MTUS2: variants seen among roughly 807,000 people sequenced by gnomAD.
MTUS2 encodes the protein microtubule associated scaffold protein 2.
Under a neutral mutation model 114.1 loss-of-function variants are expected in MTUS2, and 40 were observed. That is an observed-to-expected ratio of 0.35 (90% confidence interval 0.27 to 0.46). MTUS2 has a LOEUF of 0.46. MTUS2 is among the 20% of genes least tolerant of loss of function. The pLI is 1.00. For synonymous variants in MTUS2, 688 were observed against 672.0 expected (o/e 1.02, Z -0.37); for missense variants, 1,679 against 1,705.4 (o/e 0.98, Z 0.27).
intron 5 of MTUS2, among the ~76,000 whole-genome samples, chr13:29,248,547 A>G (rs1006092649): frequency 6.6e-6 from 1 of 152,152 alleles, no homozygotes; most frequent in African/African-American, 2.4e-5. Flanking sequence ...TATGTGTGCC[A>G]TGGTGGTTTG....
At chr13:29,059,796 C>A (rs753643390) in intron 4 of MTUS2, among the ~76,000 whole-genome samples, 1 of 152,350 alleles carries the variant, frequency 6.6e-6, no homozygotes, top group Non-Finnish European at 1.5e-5. Context: ...TAAGTTCAGA[C>A]AGAAGTGGGA....
At chr13:28,867,576 A>G (rs1188650100) in intron 2 of MTUS2, among the ~76,000 whole-genome samples, 1 of 152,214 alleles carries the variant, frequency 6.6e-6, no homozygotes, top group Non-Finnish European at 1.5e-5. Flanking sequence ...AAAGCTTTTC[A>G]TATTAGAAGA....
At chr13:29,170,045 T>C (rs372426754) in intron 5 of MTUS2, among the ~76,000 whole-genome samples, 77 of 152,290 alleles carry the variant, frequency 5.1e-4, no homozygotes, top group African/African-American at 1.8e-3. Context: ...TAGTGGTTGA[T>C]GAGAGCATGG....
chr13:28,845,813 C>T (rs897988654), intron 2 of MTUS2, among the ~76,000 whole-genome samples: 14 of 151,844 alleles, frequency 9.2e-5, no homozygotes, highest in African/African-American at 3.4e-4. Flanking sequence ...TGTGACTTTA[C>T]TTATGTTACA....
At chr13:28,860,458 C>T (rs1164382589) in intron 2 of MTUS2, among the ~76,000 whole-genome samples, 1 of 152,224 alleles carries the variant, frequency 6.6e-6, no homozygotes, top group Non-Finnish European at 1.5e-5. Context: ...CTTTTTCAGA[C>T]TCCTCATGTG....
intron 5 of MTUS2, among the ~76,000 whole-genome samples, chr13:29,200,468 C>G (rs1261382857): frequency 6.8e-6 from 1 of 147,864 alleles, no homozygotes; most frequent in Non-Finnish European, 1.5e-5. Flanking sequence ...CATTCAGGAG[C>G]AGGTTGTTCA....
intron 2 of MTUS2, among the ~76,000 whole-genome samples, chr13:28,929,808 G>C (rs1566230830): frequency 6.6e-6 from 1 of 151,934 alleles, no homozygotes; most frequent in Non-Finnish European, 1.5e-5. Flanking sequence ...CACAGCCCCT[G>C]CTCTCAGCAA....
At chr13:28,966,087 A>G (rs1170050505) in intron 2 of MTUS2, among the ~76,000 whole-genome samples, 1 of 152,202 alleles carries the variant, frequency 6.6e-6, no homozygotes, top group Admixed American at 6.5e-5. Context: ...TATTTTCCCT[A>G]CCATTGTTAA....
intron 2 of MTUS2, among the ~76,000 whole-genome samples, chr13:28,915,874 C>G (rs979077544): frequency 3.3e-5 from 5 of 151,774 alleles, no homozygotes; most frequent in Non-Finnish European, 7.4e-5. Context: ...TTTGCCCAGG[C>G]CAATGTCCTG....
chr13:29,126,064 C>A (rs1004807057), intron 5 of MTUS2, among the ~76,000 whole-genome samples: 1 of 152,192 alleles, frequency 6.6e-6, no homozygotes, highest in Non-Finnish European at 1.5e-5. Flanking sequence ...CTGGAGTAGA[C>A]AGTGAGGAGA....
At chr13:29,127,098 T>C (rs1013545823) in intron 5 of MTUS2, among the ~76,000 whole-genome samples, 3 of 152,202 alleles carry the variant, frequency 2.0e-5, no homozygotes, top group East Asian at 1.9e-4. Context: ...GCCCCAGCCA[T>C]TGAGCTGCTC....
intron 5 of MTUS2, among the ~76,000 whole-genome samples, chr13:29,264,607 G>C (rs1897599651): frequency 6.6e-6 from 1 of 152,252 alleles, no homozygotes; most frequent in African/African-American, 2.4e-5. Context: ...AGGCTCCCAA[G>C]CCTCAACTCT....
chr13:29,128,161 T>C (rs981649034), intron 5 of MTUS2, among the ~76,000 whole-genome samples: 1 of 152,214 alleles, frequency 6.6e-6, no homozygotes, highest in African/African-American at 2.4e-5. Flanking sequence ...GCCATGTGAA[T>C]TTGTAGAGGC....
At chr13:29,106,184 G>C (rs1488757497) in intron 5 of MTUS2, among the ~76,000 whole-genome samples, 2 of 152,118 alleles carry the variant, frequency 1.3e-5, no homozygotes, top group Non-Finnish European at 1.5e-5. Context: ...CATTTCAAAT[G>C]AGCCATCAAG....
chr13:29,283,311 G>C (rs941112891), intron 6 of MTUS2, among the ~76,000 whole-genome samples: 3 of 152,192 alleles, frequency 2.0e-5, no homozygotes, highest in Non-Finnish European at 2.9e-5. Context: ...GGGAAGGTAA[G>C]CTTCTGGGGG....
chr13:29,488,050 A>G, intron 11 of MTUS2, 45 bp downstream of exon 11: 1 of 1,454,252 alleles, frequency 6.9e-7, no homozygotes, highest in Non-Finnish European at 9.6e-7. Flanking sequence ...GGGTGGTGCA[A>G]TCCGAGCCTT....
intron 4 of MTUS2, among the ~76,000 whole-genome samples, chr13:29,056,480 C>T (rs1035284587): frequency 1.3e-5 from 2 of 151,838 alleles, no homozygotes; most frequent in Non-Finnish European, 2.9e-5. Context: ...GGGTCTTTTT[C>T]GGTTGGTAAG....
chr13:29,376,515 G>A (rs983705267), intron 8 of MTUS2, among the ~76,000 whole-genome samples: 1 of 152,108 alleles, frequency 6.6e-6, no homozygotes, highest in Non-Finnish European at 1.5e-5. Flanking sequence ...CATAAACACA[G>A]AGAATAGAAA....
chr13:29,361,714 A>G (rs1870266790), intron 8 of MTUS2, among the ~76,000 whole-genome samples: 1 of 152,114 alleles, frequency 6.6e-6, no homozygotes, highest in Non-Finnish European at 1.5e-5. Context: ...CTTGTGAGAA[A>G]CCCATGCATT....
Sources: gnomAD v4.1 joint callset for allele counts (sites outside exome capture counted in the v4.1 genomes callset) on GRCh38, gnomAD v4.1.1 for gene constraint, MANE v1.5 for transcripts, NCBI Gene and HGNC (gene_info 2026-07-23, HGNC 2026-07-21) for gene names.